B3GALT1: variants seen among roughly 807,000 people sequenced by gnomAD.
B3GALT1 encodes beta-1,3-galactosyltransferase 1.
A neutral mutation model predicts 23.2 loss-of-function variants in B3GALT1; 10 were observed. That is an observed-to-expected ratio of 0.43 (90% confidence interval 0.27 to 0.73). The LOEUF is 0.73. Among genes scored for constraint, B3GALT1 ranks in the 30% least tolerant of loss-of-function variants. The pLI, the probability that B3GALT1 is intolerant of heterozygous loss-of-function variation, is 0.21. For missense variants in B3GALT1, 299 were observed against 405.4 expected (o/e 0.74, Z 2.25); for synonymous variants, 156 against 141.5 (o/e 1.10, Z -0.73).
At chr2:167,797,146 G>T (rs952336177) in intron 3 of B3GALT1, among the ~76,000 whole-genome samples, 1 of 152,002 alleles carries the variant, frequency 6.6e-6, no homozygotes, top group Non-Finnish European at 1.5e-5. Flanking sequence ...CCCCCAACAG[G>T]CCCCAGTGTG....
intron 1 of B3GALT1, among the ~76,000 whole-genome samples, chr2:167,439,834 T>A (rs1698849299): frequency 1.3e-5 from 2 of 152,044 alleles, no homozygotes; most frequent in Admixed American, 1.3e-4. Context: ...GTATTTTTTT[T>A]TTTTACAGTT....
chr2:167,866,945 G>T (rs984663209), intron 4 of B3GALT1, among the ~76,000 whole-genome samples: 3 of 150,192 alleles, frequency 2.0e-5, no homozygotes, highest in African/African-American at 4.9e-5. Flanking sequence ...CTTTTTTTTT[G>T]AGACGGAGTC....
At chr2:167,812,003 C>T (rs879125128) in intron 3 of B3GALT1, among the ~76,000 whole-genome samples, 1 of 152,190 alleles carries the variant, frequency 6.6e-6, no homozygotes, top group Non-Finnish European at 1.5e-5. Context: ...ACTATTCTCT[C>T]GCCCATTTTC....
chr2:167,797,652 C>CTTTTTTTTTTTT (rs1209552259), intron 3 of B3GALT1, among the ~76,000 whole-genome samples: 1 of 152,122 alleles, frequency 6.6e-6, no homozygotes, highest in African/African-American at 2.4e-5. Flanking sequence ...TGTTTCTTGA[C>CTTTTTTTTTTTT]TTTTAATAGT....
At chr2:167,837,511 AC>A (rs1689507832) in intron 4 of B3GALT1, among the ~76,000 whole-genome samples, 2 of 151,216 alleles carry the variant, frequency 1.3e-5, no homozygotes, top group Non-Finnish European at 3.0e-5. Context: ...ATACAGGAGC[AC>A]CCAGATTCAT....
intron 3 of B3GALT1, among the ~76,000 whole-genome samples, chr2:167,664,077 G>C (rs961102612): frequency 1.5e-4 from 23 of 151,004 alleles, no homozygotes; most frequent in Non-Finnish European, 3.1e-4. Flanking sequence ...TTTTCTTGTA[G>C]GGTTTTTATG....
At chr2:167,489,751 G>A (rs983037120) in intron 1 of B3GALT1, among the ~76,000 whole-genome samples, 2 of 152,108 alleles carry the variant, frequency 1.3e-5, no homozygotes, top group Non-Finnish European at 2.9e-5. Flanking sequence ...GCAGAGTAAA[G>A]CAACAAGACA....
At chr2:167,766,686 A>T (rs187044751) in intron 3 of B3GALT1, among the ~76,000 whole-genome samples, 2 of 152,308 alleles carry the variant, frequency 1.3e-5, no homozygotes, top group Admixed American at 1.3e-4. Flanking sequence ...TCCCATCAAA[A>T]CTCACAAAAT....
intron 1 of B3GALT1, among the ~76,000 whole-genome samples, chr2:167,339,004 C>G (rs1697105070): frequency 6.6e-6 from 1 of 152,094 alleles, no homozygotes; most frequent in African/African-American, 2.4e-5. Flanking sequence ...GCAGAACTCC[C>G]TTAAAATGTG....
At chr2:167,776,543 C>T (rs1168442590) in intron 3 of B3GALT1, among the ~76,000 whole-genome samples, 2 of 152,150 alleles carry the variant, frequency 1.3e-5, no homozygotes, top group East Asian at 1.9e-4. Context: ...GCACTCAATA[C>T]GTTTACTTGA....
chr2:167,667,453 A>C, intron 3 of B3GALT1, among the ~76,000 whole-genome samples: 1 of 152,000 alleles, frequency 6.6e-6, no homozygotes. Context: ...CTCGAGGAGT[A>C]TCTTTGTGGT....
chr2:167,521,410 G>GT lies in B3GALT1; in HGVS notation c.-410+31140dup, dbSNP rs1307013562. Among the ~76,000 whole-genome samples the GT allele has an allele frequency of 4.6e-5, 7 of 152,040 alleles. No individual in the cohort carries two copies. The East Asian group carries it at 1.4e-3, about 29-fold the overall frequency. ...CCCATTTCATGATTATTTTCTATCA[G>GT]TTTTTTTAAAATACCACTTTAATGG... On this transcript the variant is annotated intron_variant, in intron 2 of 4. Transcript: ENST00000392690.
At chr2:167,552,640 A>G (rs1683769957) in intron 2 of B3GALT1, among the ~76,000 whole-genome samples, 1 of 152,164 alleles carries the variant, frequency 6.6e-6, no homozygotes, top group African/African-American at 2.4e-5. Flanking sequence ...TAGAGTAAAT[A>G]GTCTAACTGT....
intron 3 of B3GALT1, among the ~76,000 whole-genome samples, chr2:167,779,376 T>C (rs1206078817): frequency 6.6e-6 from 1 of 152,200 alleles, no homozygotes; most frequent in African/African-American, 2.4e-5. Context: ...CTAGTGGAAA[T>C]GTCTCAGGCT....
intron 4 of B3GALT1, among the ~76,000 whole-genome samples, chr2:167,839,518 G>T (rs2105395977): frequency 6.6e-6 from 1 of 152,342 alleles, no homozygotes; most frequent in East Asian, 1.9e-4. Flanking sequence ...ACTGCTCAAT[G>T]AAATAAAGGA....
At chr2:167,656,396 A>G (rs1685956468) in intron 3 of B3GALT1, among the ~76,000 whole-genome samples, 2 of 152,182 alleles carry the variant, frequency 1.3e-5, no homozygotes, top group Non-Finnish European at 2.9e-5. Flanking sequence ...CATAATGCTC[A>G]TTGTGGAAAA....
intron 3 of B3GALT1, among the ~76,000 whole-genome samples, chr2:167,784,496 C>T (rs1688307135): frequency 1.3e-5 from 2 of 152,054 alleles, no homozygotes; most frequent in Admixed American, 1.3e-4. Context: ...ATGATCATGC[C>T]CCTTAAGCTA....
chr2:167,299,865 T>A (rs1405358754), intron 1 of B3GALT1, among the ~76,000 whole-genome samples: 1 of 151,140 alleles, frequency 6.6e-6, no homozygotes, highest in Non-Finnish European at 1.5e-5. Context: ...GGAATTTATA[T>A]AACATATATT....
chr2:167,725,078 C>T (rs535828862), intron 3 of B3GALT1, among the ~76,000 whole-genome samples: 2 of 152,304 alleles, frequency 1.3e-5, no homozygotes, highest in Admixed American at 1.3e-4. Flanking sequence ...TCCTATAATA[C>T]AAATCCTGTA....
Sources: gnomAD v4.1 joint callset for allele counts (sites outside exome capture counted in the v4.1 genomes callset) on GRCh38, gnomAD v4.1.1 for gene constraint, MANE v1.5 for transcripts, NCBI Gene and HGNC (gene_info 2026-07-23, HGNC 2026-07-21) for gene names.